GRM3: variants seen among roughly 807,000 people sequenced by gnomAD.
GRM3 encodes glutamate metabotropic receptor 3.
In GRM3, 26 loss-of-function variants were observed where a neutral mutation model predicts 70.5. The ratio of observed to expected loss-of-function variants is 0.37; its 90% CI spans 0.27 to 0.51. The LOEUF is 0.51. Ranked by LOEUF, GRM3 falls within the 20% of genes least tolerant of loss-of-function variation. The pLI is 0.93. For synonymous variants in GRM3, 443 were observed against 434.9 expected (o/e 1.02, Z -0.23); for missense variants, 859 against 1,123.8 (o/e 0.76, Z 3.37).
chr7:86,807,562 A>G, intron 3 of GRM3, among the ~76,000 whole-genome samples: 1 of 151,798 alleles, frequency 6.6e-6, no homozygotes, highest in African/African-American at 2.4e-5. Flanking sequence ...TTATTGGTGT[A>G]TAGGAATGCT....
At chr7:86,672,212 G>C (rs941841470) in intron 1 of GRM3, among the ~76,000 whole-genome samples, 3 of 152,068 alleles carry the variant, frequency 2.0e-5, no homozygotes, top group Non-Finnish European at 4.4e-5. Flanking sequence ...TTTTTTTCCA[G>C]CTCAGGATTG....
At chr7:86,775,955 T>C (rs1157559902) in intron 2 of GRM3, 1 of 152,140 alleles carries the variant, frequency 6.6e-6, no homozygotes, top group Non-Finnish European at 1.5e-5. Flanking sequence ...CTTAAAATTG[T>C]ATCCTTGGCT....
At chr7:86,854,097 G>A (rs1461281785) in intron 5 of GRM3, among the ~76,000 whole-genome samples, 1 of 152,170 alleles carries the variant, frequency 6.6e-6, no homozygotes, top group Non-Finnish European at 1.5e-5. Flanking sequence ...CAAAGAGTCT[G>A]TGATTATTAT....
At chr7:86,824,805 T>C (rs867986048) in intron 3 of GRM3, among the ~76,000 whole-genome samples, 1 of 151,432 alleles carries the variant, frequency 6.6e-6, no homozygotes, top group South Asian at 2.1e-4. Flanking sequence ...TATATATATG[T>C]GTGTGTGTGC....
intron 1 of GRM3, among the ~76,000 whole-genome samples, chr7:86,652,305 T>C (rs1376529281): frequency 2.4e-5 from 2 of 84,814 alleles, no homozygotes; most frequent in African/African-American, 8.2e-5. Flanking sequence ...AAGATAATTT[T>C]TGTTTGTTTT....
intron 1 of GRM3, among the ~76,000 whole-genome samples, chr7:86,697,855 T>C (rs1434955553): frequency 6.6e-6 from 1 of 152,106 alleles, no homozygotes; most frequent in Non-Finnish European, 1.5e-5. Context: ...GTAGGAAATG[T>C]TTGAAGATGG....
intron 1 of GRM3, among the ~76,000 whole-genome samples, chr7:86,700,260 C>T (rs1718603889): frequency 6.6e-6 from 1 of 151,902 alleles, no homozygotes; most frequent in Non-Finnish European, 1.5e-5. Context: ...GAAGCCAATT[C>T]ATAATCAAAA....
intron 1 of GRM3, among the ~76,000 whole-genome samples, chr7:86,702,440 T>C (rs2189814): frequency 0.28 from 42,332 of 151,822 alleles, 7,794 homozygotes; most frequent in East Asian, 0.71. Flanking sequence ...CAGCTCTATT[T>C]AAAATCACAG....
At position 86,830,118 on chromosome 7, in the gene GRM3, ACTCTCT is replaced by A. The variant is rs543814271; in HGVS notation, c.1325-8720_1325-8715del. 1.1e-3 allele frequency among the ~76,000 whole-genome samples: 168 copies of A among 152,130 alleles called. 7 individuals are homozygous for A. In the South Asian group the frequency reaches 0.034, roughly 31 times the overall value. On this transcript the variant is annotated intron_variant, in intron 3 of 5. Coordinates refer to ENST00000361669, the MANE Select transcript of GRM3 (RefSeq NM_000840.3). ...TGGCTTCTCAATAGAAGTATCTGTG[ACTCTCT>A]GCCAGAGAGCTTTGTCTGGTCAGAC...
At chr7:86,761,316 G>A (rs1329292960) in intron 1 of GRM3, among the ~76,000 whole-genome samples, 1 of 152,100 alleles carries the variant, frequency 6.6e-6, no homozygotes, top group Non-Finnish European at 1.5e-5. Context: ...AGCAGTAAAT[G>A]TAGGTCAGTT....
chr7:86,763,870 G>C (rs551714997), intron 1 of GRM3, among the ~76,000 whole-genome samples: 107 of 152,234 alleles, frequency 7.0e-4, no homozygotes, highest in Non-Finnish European at 1.3e-3. Context: ...GCTTTGGGGG[G>C]TGGTAGCAGC....
rs147154540 is a variant in GRM3 at position 86,798,784 on chromosome 7, G to A, written c.1324+11668G>A. The stretch of plus-strand genomic sequence containing the variant: ...TCTCACCCAAATCTCATCTTGAATT[G>A]TAGCTCCAATAATTCCCACATGTCA... On this transcript the variant is annotated intron_variant, in intron 3 of 5. Transcript: ENST00000361669. Among the ~76,000 whole-genome samples, 45 of 152,344 alleles carry A rather than the reference G, an allele frequency of 3.0e-4. No homozygotes were observed. The East Asian group carries it at 7.5e-3, about 25-fold the overall frequency.
chr7:86,863,398 T>A (rs759851124), intron 5 of GRM3, among the ~76,000 whole-genome samples: 4 of 152,112 alleles, frequency 2.6e-5, no homozygotes, highest in Admixed American at 6.6e-5. Flanking sequence ...ACAAACTGGG[T>A]GTCTTAAAAC....
chr7:86,792,594 A>G (rs966365034), intron 3 of GRM3, among the ~76,000 whole-genome samples: 1 of 152,242 alleles, frequency 6.6e-6, no homozygotes, highest in Admixed American at 6.5e-5. Flanking sequence ...GTAAATGCCA[A>G]GGTCCTGATT....
chr7:86,823,800 T>C (rs755621978), intron 3 of GRM3, among the ~76,000 whole-genome samples: 1 of 152,126 alleles, frequency 6.6e-6, no homozygotes, highest in Non-Finnish European at 1.5e-5. Context: ...ACTTCTCTGA[T>C]ATGACAGCTA....
At chr7:86,690,603 G>A (rs1032826754) in intron 1 of GRM3, among the ~76,000 whole-genome samples, 2 of 151,972 alleles carry the variant, frequency 1.3e-5, no homozygotes, top group Non-Finnish European at 2.9e-5. Flanking sequence ...AGGGGTTCAG[G>A]GGCAAGGGAG....
At chr7:86,714,319 G>A (rs976339892) in intron 1 of GRM3, among the ~76,000 whole-genome samples, 5 of 151,960 alleles carry the variant, frequency 3.3e-5, no homozygotes, top group Non-Finnish European at 5.9e-5. Context: ...CCTGTGCTAC[G>A]TAAACCTTGC....
At chr7:86,658,386 C>G (rs550703042) in intron 1 of GRM3, among the ~76,000 whole-genome samples, 14 of 152,166 alleles carry the variant, frequency 9.2e-5, no homozygotes, top group Non-Finnish European at 1.8e-4. Context: ...TTCCATCCTT[C>G]CCTCTCACTC....
At chr7:86,708,134 TGG>T (rs1428001256) in intron 1 of GRM3, among the ~76,000 whole-genome samples, 1 of 152,168 alleles carries the variant, frequency 6.6e-6, no homozygotes, top group Non-Finnish European at 1.5e-5. Context: ...TGGCACTGTG[TGG>T]TTTCCAAGAA....
Sources: allele counts gnomAD v4.1 joint callset (sites outside exome capture counted in the v4.1 genomes callset), GRCh38; gene constraint gnomAD v4.1.1; transcripts MANE v1.5; gene names NCBI Gene and HGNC (gene_info 2026-07-23, HGNC 2026-07-21).